Variants in MEFV observed in about 807,000 individuals in gnomAD.
The protein encoded by MEFV is pyrin.
In MEFV, 60 loss-of-function variants were observed where a neutral mutation model predicts 62.5. The ratio of observed to expected loss-of-function variants is 0.96; its 90% CI spans 0.78 to 1.19. The LOEUF (loss-of-function observed/expected upper bound fraction) is 1.19. Ranked by LOEUF, MEFV falls within the 50% of genes most tolerant of loss-of-function variation. MEFV has a pLI of 0.00. For synonymous variants in MEFV, 500 were observed against 415.2 expected, an observed-to-expected ratio of 1.20 and a Z score of -2.48; for missense variants, 1,169 against 1,004.5, an observed-to-expected ratio of 1.16 and a Z score of -2.21.
In MEFV at chr16:3,242,312, G is replaced by C. The variant is rs1596349207; in HGVS notation, c.*829C>G. ...CTGGGAGGCGGAGGTTGCGAGCCAA[G>C]ATTGCACCACTGCACTCCAGCCTGG... On this transcript the variant is annotated 3_prime_UTR_variant, in exon 10 of 10. Coordinates refer to ENST00000219596, the MANE Select transcript of MEFV (RefSeq NM_000243.3). The C allele has an allele frequency of 1.4e-5, 2 of 141,164 alleles. No individual in the cohort carries two copies. The highest frequency in any genetic ancestry group is 1.6e-4 in the South Asian group (1 of 6,360). 8.7% of individuals were successfully genotyped at this position (141,164 alleles called of 1,614,324 possible).
rs776315170 is a variant in MEFV, at chr16:3,243,588, C to A, written c.1899G>T (p.Pro633=). 5.6e-6 allele frequency: 9 copies of A among 1,603,078 alleles called. No individual in the cohort carries two copies. Among genetic ancestry groups the A allele is most frequent in the Non-Finnish European group, 7.7e-6 (9 of 1,173,600 alleles). The change falls in exon 10 of 10, where the codon CCG becomes CCT. Residue 633 remains proline (P), a synonymous_variant. Coordinates refer to ENST00000219596, the MANE Select transcript of MEFV (RefSeq NM_000243.3). ...CAATGATACAGCTGTCAAATCTTTG[C>A]GGGCCATCAGGCAGCCTCTCCCACT... ...GNKWERLPDG[P]QRFDSCIIVL... is the part of the protein sequence containing the mutation.
intron 4 of MEFV, 80 bp downstream of exon 4, chr16:3,248,829 G>A: frequency 6.2e-7 from 1 of 1,607,998 alleles, no homozygotes; most frequent in Non-Finnish European, 8.5e-7. Context: ...GTGAACCACA[G>A]CAGAATCTCG....
At position 3,254,352 on chromosome 16, in the gene MEFV, C is replaced by T. The variant is rs1959081624; in HGVS notation, c.716G>A (p.Arg239Gln). 6.2e-7 allele frequency: 1 copy of T among 1,614,104 alleles called. No individual in the cohort carries two copies. Among genetic ancestry groups the T allele is most frequent in the Admixed American group, 1.7e-5 (1 of 60,014 alleles). Residue 239 changes from arginine to glutamine, a missense_variant, in exon 2 of 10, where the codon CGA becomes CAA. Transcript: ENST00000219596. ...FEVYLPSGKMRPRSLEVTIST... is the reference protein window; with the variant it reads ...FEVYLPSGKMQPRSLEVTIST... ...AATGGTGACCTCAAGGCTTCTAGGT[C>T]GCATCTTTCCCGAGGGCAGGTACAC...
In MEFV at chr16:3,242,502, C is replaced by T. The variant is rs181380218; in HGVS notation, c.*639G>A. On this transcript the variant is annotated 3_prime_UTR_variant, in exon 10 of 10. Transcript: ENST00000219596. The stretch of plus-strand genomic sequence containing the variant: ...CTGGCTAACATGGTGAAACCCCCGT[C>T]TCTACTAAAAATACAAGAAAACCAG... 8.1e-3 allele frequency: 1,314 copies of T among 162,604 alleles called. 19 individuals are homozygous for T. Among genetic ancestry groups the T allele is most frequent in the South Asian group, 0.049 (361 of 7,330 alleles). The allele number at this position is 162,604 out of a possible 1,614,324, so 10.1% of individuals were successfully genotyped here.
intron 2 of MEFV, chr16:3,251,908 G>A: frequency 7.1e-6 from 2 of 281,360 alleles, no homozygotes; most frequent in South Asian, 6.0e-5. Flanking sequence ...AGACACCCAG[G>A]AATCCCAATG....
At chr16:3,244,932 A>C (rs751704514) in intron 6 of MEFV, among the ~76,000 whole-genome samples, 4 of 151,756 alleles carry the variant, frequency 2.6e-5, no homozygotes, top group Non-Finnish European at 5.9e-5. Flanking sequence ...TGAAAAAAAA[A>C]CACACACAAC....
intron 3 of MEFV, 70 bp downstream of exon 3, chr16:3,249,361 G>T: frequency 7.1e-7 from 1 of 1,417,546 alleles, no homozygotes; most frequent in Non-Finnish European, 9.9e-7. Flanking sequence ...AGAGTTGTTG[G>T]GAAAATGAAG....
At chr16:3,249,803 C>A (rs754637045) in intron 2 of MEFV, 23 bp from the exon 3 acceptor site, 3 of 1,601,694 alleles carry the variant, frequency 1.9e-6, no homozygotes, top group Non-Finnish European at 2.6e-6. Flanking sequence ...AGTGGAAAAA[C>A]CCCCTGAATG....
At position 3,243,606 on chromosome 16, in the gene MEFV, C is replaced by T. The variant is rs1958894373; in HGVS notation, c.1881G>A (p.Glu627=). The T allele has an allele frequency of 3.7e-6, 6 of 1,600,366 alleles. No homozygotes were observed. Among genetic ancestry groups the T allele is most frequent in the Non-Finnish European group, 5.1e-6 (6 of 1,172,240 alleles). Residue 627 remains glutamate (E), a synonymous_variant, in exon 10 of 10, where the codon GAG becomes GAA. Transcript: ENST00000219596. ...LKSVRLGNKW[E]RLPDGPQRFD... is the part of the protein sequence containing the mutation. ...ATCTTTGCGGGCCATCAGGCAGCCT[C>T]TCCCACTTGTTTCCAAGTCTAACAC...
chr16:3,256,237 G>C lies in MEFV; in HGVS notation c.277+74C>G. 1.9e-6 allele frequency: 3 copies of C among 1,549,980 alleles called. No homozygotes were observed. The South Asian group carries it at 3.5e-5, about 18-fold the overall frequency. The stretch of plus-strand genomic sequence containing the variant: ...TCCCCAGGTCAGAGTGAGCTGCTCT[G>C]AGCTCCTGGTCCCCTTTCCCACAAA... On this transcript the variant is annotated intron_variant, in intron 1 of 9. Transcript: ENST00000219596.
intron 2 of MEFV, 107 bp from the exon 3 acceptor site, chr16:3,249,887 C>A (rs1959008409): frequency 1.1e-6 from 1 of 892,256 alleles, no homozygotes. Context: ...TGTGCGAGTT[C>A]TCAGTTAGAC....
chr16:3,246,915 C>T, intron 5 of MEFV, 101 bp downstream of exon 5: 1 of 1,157,746 alleles, frequency 8.6e-7, no homozygotes, highest in South Asian at 1.3e-5. Context: ...GCCTTAGGGG[C>T]TTCACCCACT....
At position 3,243,441 on chromosome 16, in the gene MEFV, C is replaced by CA. The variant is rs1242998026; in HGVS notation, c.2045dup (p.Ser683ValfsTer16). On this transcript the variant is annotated frameshift_variant, in exon 10 of 10. Transcript: ENST00000219596. LOFTEE classifies it low-confidence loss of function (END_TRUNC). ...CCACCCAGTAGCCATTCTCTGGCGA[C>CA]AGAGTCATGTTCCCTTTCCTGCTTA... 3 of 1,614,050 alleles carry CA rather than the reference C, an allele frequency of 1.9e-6. No homozygotes were observed. Among genetic ancestry groups the CA allele is most frequent in the Non-Finnish European group, 2.5e-6 (3 of 1,180,050 alleles).
In MEFV at chr16:3,243,556, C is replaced by T; in HGVS notation, c.1931G>A (p.Gly644Asp). Residue 644 changes from glycine (G) to aspartate (D), a missense_variant, in exon 10 of 10, where the codon GGC becomes GAC. Gly to Asp is a moderately conservative substitution (Grantham distance 94, BLOSUM62 -1). Coordinates refer to ENST00000219596, the MANE Select transcript of MEFV (RefSeq NM_000243.3). ...GCGGCCAGAGAGGAAACTCGGAGAGCCCAGAACAATGATACAGCTGTCAAA... is the reference window on the plus strand; with the variant it reads ...GCGGCCAGAGAGGAAACTCGGAGAGTCCAGAACAATGATACAGCTGTCAAA... ...QRFDSCIIVL[G>D]SPSFLSGRRY... 1.2e-6 allele frequency: 2 copies of T among 1,612,468 alleles called. No individual in the cohort carries two copies. Among genetic ancestry groups the T allele is most frequent in the Non-Finnish European group, 8.5e-7 (1 of 1,179,072 alleles).
rs1345555781 is a variant in MEFV, at chr16:3,251,608, GTAGA to G, written c.911-1832_911-1829del. Among the ~76,000 whole-genome samples, 16 of 152,262 alleles carry G rather than the reference GTAGA, an allele frequency of 1.1e-4. 1 individual carries two copies. Among genetic ancestry groups the G allele is most frequent in the African/African-American group, 3.4e-4 (14 of 41,504 alleles). ...CATAATTTTAATGACTACCTCAGCA[GTAGA>G]TAGTTAGGACTTTAGCCAATAGGCT... On this transcript the variant is annotated intron_variant, in intron 2 of 9. Transcript: ENST00000219596.
At position 3,244,578 on chromosome 16, in the gene MEFV, C is replaced by T. The variant is rs1175758851; in HGVS notation, c.1621G>A (p.Val541Met). 6.2e-7 allele frequency: 1 copy of T among 1,613,540 alleles called. No homozygotes were observed. Among genetic ancestry groups the T allele is most frequent in the African/African-American group, 1.3e-5 (1 of 74,912 alleles). Reference protein sequence around the residue: ...IGDILHRAKTVPVPEKWTTPQ... With the variant: ...IGDILHRAKTMPVPEKWTTPQ... Reference sequence around the variant, plus strand: ...GTGGTCCACTTTTCAGGGACAGGCACTGTCTTAGCCCTAGAGACAAAAGAC... The same window carrying T: ...GTGGTCCACTTTTCAGGGACAGGCATTGTCTTAGCCCTAGAGACAAAAGAC... Residue 541 changes from valine to methionine, a missense_variant, in exon 7 of 10, where the codon GTG (valine) becomes ATG (methionine). Transcript: ENST00000219596.
At chr16:3,244,097 G>C in intron 8 of MEFV, 157 bp downstream of exon 8, 3 of 1,552,364 alleles carry the variant, frequency 1.9e-6, no homozygotes, top group Non-Finnish European at 2.6e-6. Context: ...AATGAGTCAC[G>C]CACAGAGCCT....
chr16:3,252,954 A>G (rs1335564461), intron 2 of MEFV, among the ~76,000 whole-genome samples: 1 of 150,032 alleles, frequency 6.7e-6, no homozygotes, highest in Non-Finnish European at 1.5e-5. Context: ...TGTCTCAAAA[A>G]AAAAAAAAAA....
chr16:3,254,646 C>A lies in MEFV; in HGVS notation c.422G>T (p.Ser141Ile), dbSNP rs104895130. ...GGCCTCGGGCTGGCTGCACCGCAGG[C>A]TGGCAGCTCCGCCCCCGTACGGCCG... Reference protein sequence around the residue: ...GPRPYGGGAASLRCSQPEAGR... With the variant: ...GPRPYGGGAAILRCSQPEAGR... The change falls in exon 2 of 10, where the codon AGC becomes ATC. Residue 141 changes from serine to isoleucine, a missense_variant. Ser to Ile is a moderately radical substitution (Grantham distance 142, BLOSUM62 -2). Transcript: ENST00000219596. The A allele has an allele frequency of 8.1e-6, 13 of 1,608,092 alleles. No homozygotes were observed. The highest frequency in any genetic ancestry group is 1.7e-5 in the Admixed American group (1 of 59,770).
Sources: allele counts gnomAD v4.1 joint callset (sites outside exome capture counted in the v4.1 genomes callset), GRCh38; gene constraint gnomAD v4.1.1; transcripts MANE v1.5; gene names NCBI Gene and HGNC (gene_info 2026-07-23, HGNC 2026-07-21).